The following ARSA variants were observed in gnomAD, a reference collection of about 807,000 sequenced individuals.
ARSA encodes cerebroside-sulfatase.
Under a neutral mutation model 37.8 loss-of-function variants are expected in ARSA, and 32 were observed. That is an observed-to-expected ratio of 0.85 (90% confidence interval 0.64 to 1.14). The LOEUF (loss-of-function observed/expected upper bound fraction) is 1.14. Among genes scored for constraint, ARSA ranks in the 50% most tolerant of loss-of-function variants. The probability of loss-of-function intolerance (pLI) is 0.00; values close to 1 mark genes in which losing one functional copy is unlikely to be tolerated. For missense variants in ARSA, 685 were observed against 686.3 expected (o/e 1.00, Z 0.02); for synonymous variants, 303 against 303.4 (o/e 1.00, Z 0.01).
Position 50,625,114 on chromosome 22 carries a change from C to G in ARSA, c.*31G>C, listed in dbSNP as rs1465715862. 7 of 1,505,576 alleles carry G rather than the reference C, an allele frequency of 4.6e-6. No individual in the cohort carries two copies. The highest frequency in any genetic ancestry group is 6.2e-6 in the Non-Finnish European group (7 of 1,128,886). 93.3% of individuals were successfully genotyped at this position (1,505,576 alleles called of 1,614,324 possible). ...TCCCCCACAGGCTCCCAGTGAGGAG[C>G]CATCACATGCCCAGGCCAGCCGAGG... On this transcript the variant is annotated 3_prime_UTR_variant, in exon 8 of 8. Coordinates refer to ENST00000216124, the MANE Select transcript of ARSA (RefSeq NM_000487.6).
In ARSA at chr22:50,623,333, T is replaced by TG. The variant is rs1455148458; in HGVS notation, c.*1811dup. The TG allele has an allele frequency of 2.0e-5, 3 of 152,078 alleles. No individual in the cohort carries two copies. The allele number at this position is 152,078 out of a possible 1,614,324, so 9.4% of individuals were successfully genotyped here. ...CCCTAAGACTGGGGGGAAGGGGGTG[T>TG]GGGTGGAGGCCTCAAGGGCAAACTG... On this transcript the variant is annotated 3_prime_UTR_variant, in exon 8 of 8. Coordinates refer to ENST00000216124, the MANE Select transcript of ARSA (RefSeq NM_000487.6).
chr22:50,627,434 G>A (rs1181313465), intron 1 of ARSA, 28 bp from the exon 2 acceptor site: 3 of 1,607,790 alleles, frequency 1.9e-6, no homozygotes, highest in Non-Finnish European at 2.5e-6. Context: ...GAGTCCCTGA[G>A]ACAGACAGAA....
At position 50,627,132 on chromosome 22, in the gene ARSA, T is replaced by A. The variant is rs950197743; in HGVS notation, c.465+34A>T. On this transcript the variant is annotated intron_variant, in intron 2 of 7. Transcript: ENST00000216124. Reference sequence around the variant, plus strand: ...TCAAGGGCTGGGGGACTTTGGGAGGTGGGAGGGTGGCTGAGGGCCCGGGTG... The same window carrying A: ...TCAAGGGCTGGGGGACTTTGGGAGGAGGGAGGGTGGCTGAGGGCCCGGGTG... 4 of 1,590,282 alleles carry A rather than the reference T, an allele frequency of 2.5e-6. No individual in the cohort carries two copies. In the African/African-American group the frequency reaches 5.5e-5, roughly 22 times the overall value.
At position 50,623,829 on chromosome 22, in the gene ARSA, G is replaced by A. The variant is rs2082621484; in HGVS notation, c.*1316C>T. The A allele has an allele frequency of 6.6e-6, 1 of 151,594 alleles. No individual in the cohort carries two copies. Among genetic ancestry groups the A allele is most frequent in the South Asian group, 2.1e-4 (1 of 4,810 alleles). 9.4% of individuals were successfully genotyped at this position (151,594 alleles called of 1,614,324 possible). On this transcript the variant is annotated 3_prime_UTR_variant, in exon 8 of 8. Coordinates refer to ENST00000216124, the MANE Select transcript of ARSA (RefSeq NM_000487.6). Reference sequence around the variant, plus strand: ...CAGGAGAATCCCTGGAACCCGGGAGGCGGAGGTTGCAGTGAGCGGAGATGG... The same window carrying A: ...CAGGAGAATCCCTGGAACCCGGGAGACGGAGGTTGCAGTGAGCGGAGATGG...
At position 50,625,139 on chromosome 22, in the gene ARSA, G is replaced by T; in HGVS notation, c.*6C>A. 1 of 1,551,348 alleles carries T rather than the reference G, an allele frequency of 6.4e-7. No individual in the cohort carries two copies. The highest frequency in any genetic ancestry group is 2.4e-5 in the East Asian group (1 of 42,180). ...CCATCACATGCCCAGGCCAGCCGAG[G>T]GGCCCTCAGGCATGGGGATCTGGGC... On this transcript the variant is annotated 3_prime_UTR_variant, in exon 8 of 8. Transcript: ENST00000216124.
chr22:50,623,898 CAAAAAAAAAAAAAAAAAA>C lies in ARSA; in HGVS notation c.*1229_*1246del, dbSNP rs131716. On this transcript the variant is annotated 3_prime_UTR_variant, in exon 8 of 8. Transcript: ENST00000216124. ...TGGGCGACAGAGCGAGACTCCGTCT[CAAAAAAAAAAAAAAAAAA>C]AAAAAAAAAAAAAAAAAAAAAACAA... is the stretch of plus-strand genomic sequence containing the variant. The C allele has an allele frequency of 6.3e-5, 9 of 141,860 alleles. No individual in the cohort carries two copies. Among genetic ancestry groups the C allele is most frequent in the South Asian group, 2.2e-4 (1 of 4,528 alleles). The allele number at this position is 141,860 out of a possible 1,614,324, so 8.8% of individuals were successfully genotyped here. A position where few individuals can be genotyped will look rare whatever the true frequency, so the allele number is the denominator to read the frequency against.
Position 50,625,051 on chromosome 22 carries a change from AC to A in ARSA, c.*93del. 1 of 1,351,240 alleles carries A rather than the reference AC, an allele frequency of 7.4e-7. No individual in the cohort carries two copies. Among genetic ancestry groups the A allele is most frequent in the Non-Finnish European group, 9.8e-7 (1 of 1,021,994 alleles). The allele number at this position is 1,351,240 out of a possible 1,614,324, so 83.7% of individuals were successfully genotyped here. On this transcript the variant is annotated 3_prime_UTR_variant, in exon 8 of 8. Transcript: ENST00000216124. Reference sequence around the variant, plus strand: ...TCTGCAAGTCTCCACTGGTGTTATTACGTTATCAGGCACAAACCCCCTCCAG... The same window carrying A: ...TCTGCAAGTCTCCACTGGTGTTATTAGTTATCAGGCACAAACCCCCTCCAG...
chr22:50,628,040 C>G lies in ARSA; in HGVS notation c.-261G>C. 1 of 500,322 alleles carries G rather than the reference C, an allele frequency of 2.0e-6. No homozygotes were observed. The highest frequency in any genetic ancestry group is 3.6e-6 in the Non-Finnish European group (1 of 277,192). The allele number at this position is 500,322 out of a possible 1,614,324, so 31.0% of individuals were successfully genotyped here. ...GATCCTCCTCGCCTAGCGGTCCGGGCTCAGGGTCGGGGGCGTAAGTCACTT... is the reference window on the plus strand; with the variant it reads ...GATCCTCCTCGCCTAGCGGTCCGGGGTCAGGGTCGGGGGCGTAAGTCACTT... On this transcript the variant is annotated 5_prime_UTR_variant, in exon 1 of 8. Transcript: ENST00000216124.
chr22:50,627,486 C>A (rs1296198143), intron 1 of ARSA, 70 bp downstream of exon 1: 2 of 1,589,540 alleles, frequency 1.3e-6, no homozygotes, highest in African/African-American at 1.3e-5. Flanking sequence ...TTTTTCCCGC[C>A]CCCCTGCAAT....
At position 50,626,298 on chromosome 22, in the gene ARSA, C is replaced by A; in HGVS notation, c.855-20G>T. On this transcript the variant is annotated intron_variant, in intron 4 of 7. Transcript: ENST00000216124. ...TCAGGTCTGGGACACAGGAGGCGCT[C>A]ATGAGCCATGGAGCCACAGCCTCTG... 6.2e-7 allele frequency: 1 copy of A among 1,608,460 alleles called. No individual in the cohort carries two copies. Among genetic ancestry groups the A allele is most frequent in the South Asian group, 1.1e-5 (1 of 90,730 alleles).
rs1240594590 is a variant in ARSA, at chr22:50,625,316, C to T, written c.1359G>A (p.Glu453=). ...LLGGVAGATP[E]VLQALKQLQL... ...GAAGCTGTTTCAGGGCTTGCAGCAC[C>T]TCTGGGGTGGCCCCGGCCACACCCC... Residue 453 remains glutamate (E), a synonymous_variant, in exon 8 of 8, where the codon GAG becomes GAA. Coordinates refer to ENST00000216124, the MANE Select transcript of ARSA (RefSeq NM_000487.6). 63 of 1,612,704 alleles carry T rather than the reference C, an allele frequency of 3.9e-5. No individual in the cohort carries two copies. The highest frequency in any genetic ancestry group is 5.1e-5 in the Non-Finnish European group (60 of 1,179,782).
At position 50,625,383 on chromosome 22, in the gene ARSA, T is replaced by C. The variant is rs199476380; in HGVS notation, c.1292A>G (p.Tyr431Cys). 1.9e-6 allele frequency: 3 copies of C among 1,603,278 alleles called. No individual in the cohort carries two copies. The highest frequency in any genetic ancestry group is 1.7e-6 in the Non-Finnish European group (2 of 1,172,908). The change falls in exon 8 of 8, where the codon TAT becomes TGT. Residue 431 changes from tyrosine (Y) to cysteine (C), a missense_variant. Transcript: ENST00000216124. ...CTCACCAGGGTCCTTGGACAGGTCA[T>C]AGAGCAGCGGGGGCTCATGAGCAGT... The part of the protein sequence containing the change: ...SLTAHEPPLL[Y>C]DLSKDPGENY...
Position 50,626,679 on chromosome 22 carries a change from G to T in ARSA, c.766C>A (p.Leu256Met). The change falls in exon 4 of 8, where the codon CTG becomes ATG. Residue 256 changes from leucine (L) to methionine (M), a missense_variant. Leu to Met is a conservative substitution (Grantham distance 15, BLOSUM62 2). Coordinates refer to ENST00000216124, the MANE Select transcript of ARSA (RefSeq NM_000487.6). ...ATCAGGGTCCCCACAGCTGCATCCA[G>T]CTCCATCAGGGAGTCCCCAAATGGC... ...RGPFGDSLME[L>M]DAAVGTLMTA... 1 of 1,614,172 alleles carries T rather than the reference G, an allele frequency of 6.2e-7. No homozygotes were observed.
Position 50,627,147 on chromosome 22 carries a change from G to A in ARSA, c.465+19C>T, listed in dbSNP as rs1366970185. The A allele has an allele frequency of 6.2e-7, 1 of 1,600,960 alleles. No individual in the cohort carries two copies. Among genetic ancestry groups the A allele is most frequent in the Non-Finnish European group, 8.5e-7 (1 of 1,170,982 alleles). On this transcript the variant is annotated intron_variant, in intron 2 of 7. Transcript: ENST00000216124. ...CTTTGGGAGGTGGGAGGGTGGCTGA[G>A]GGCCCGGGTGGTTCCTACCTGGTCG...
chr22:50,625,267 C>T lies in ARSA; in HGVS notation c.1408G>A (p.Ala470Thr), dbSNP rs765452751. The change falls in exon 8 of 8, where the codon GCA becomes ACA. Residue 470 changes from alanine to threonine, a missense_variant. Physicochemically the swap from Ala to Thr is moderately conservative, Grantham distance 58. Coordinates refer to ENST00000216124, the MANE Select transcript of ARSA (RefSeq NM_000487.6). ...TGGCTGGGGCCGAAGGTCACAGCTG[C>T]GTCTAACTGGGCCTTGAGCAGCTGA... ...QLQLLKAQLD[A>T]AVTFGPSQVA... 4.8e-5 allele frequency: 78 copies of T among 1,612,530 alleles called. No individual in the cohort carries two copies. In the South Asian group the frequency reaches 5.7e-4, roughly 12 times the overall value.
chr22:50,625,286 C>A lies in ARSA; in HGVS notation c.1389G>T (p.Leu463=), dbSNP rs2146716035. The A allele has an allele frequency of 6.2e-7, 1 of 1,612,956 alleles. No individual in the cohort carries two copies. The highest frequency in any genetic ancestry group is 8.5e-7 in the Non-Finnish European group (1 of 1,179,906). Residue 463 remains leucine, a synonymous_variant, in exon 8 of 8, where the codon CTG becomes CTT. Coordinates refer to ENST00000216124, the MANE Select transcript of ARSA (RefSeq NM_000487.6). ...CAGCTGCGTCTAACTGGGCCTTGAG[C>A]AGCTGAAGCTGTTTCAGGGCTTGCA... ...EVLQALKQLQ[L]LKAQLDAAVT...
chr22:50,626,467 A>G, intron 4 of ARSA, 124 bp downstream of exon 4: 1 of 1,513,006 alleles, frequency 6.6e-7, no homozygotes, highest in Non-Finnish European at 8.9e-7. Context: ...GGGCCCCTGC[A>G]ACGTGGCCAG....
At position 50,623,924 on chromosome 22, in the gene ARSA, A is replaced by AC. The variant is rs2082624340; in HGVS notation, c.*1220_*1221insG. On this transcript the variant is annotated 3_prime_UTR_variant, in exon 8 of 8. Coordinates refer to ENST00000216124, the MANE Select transcript of ARSA (RefSeq NM_000487.6). The stretch of plus-strand genomic sequence containing the variant: ...AAAAAAAAAAAAAAAAAAAAAAAAA[A>AC]AAAAAAAAAAAAAACAAAAACAAAT... 2.6e-4 allele frequency: 2 copies of AC among 7,606 alleles called. No homozygotes were observed. Among genetic ancestry groups the AC allele is most frequent in the African/African-American group, 7.6e-4 (2 of 2,632 alleles). 0.5% of individuals were successfully genotyped at this position (7,606 alleles called of 1,614,324 possible).
intron 1 of ARSA, 32 bp downstream of exon 1, chr22:50,627,524 G>A (rs748421580): frequency 2.7e-5 from 42 of 1,568,106 alleles, no homozygotes; most frequent in Middle Eastern, 1.7e-4. Context: ...ATGGAGGGTC[G>A]GGGCGGGGAA....
Sources: gnomAD v4.1 joint callset for allele counts on GRCh38, gnomAD v4.1.1 for gene constraint, MANE v1.5 for transcripts, NCBI Gene and HGNC (gene_info 2026-07-23, HGNC 2026-07-21) for gene names.